Variants in STK32B observed in about 807,000 individuals in gnomAD.
STK32B encodes the protein serine/threonine-protein kinase 32B.
A neutral mutation model predicts 52.6 loss-of-function variants in STK32B; 43 were observed. The observed-to-expected ratio is 0.82, with a 90% CI of 0.64 to 1.05. STK32B has a LOEUF of 1.05. STK32B is among the 50% of genes least tolerant of loss of function. STK32B has a pLI of 0.00. For synonymous variants in STK32B, 238 were observed against 204.3 expected, an observed-to-expected ratio of 1.17 and a Z score of -1.41; for missense variants, 621 against 534.6, an observed-to-expected ratio of 1.16 and a Z score of -1.59.
At chr4:5,281,194 A>G (rs1046109030) in intron 3 of STK32B, among the ~76,000 whole-genome samples, 1 of 152,166 alleles carries the variant, frequency 6.6e-6, no homozygotes, top group Non-Finnish European at 1.5e-5. Context: ...ATCTGTCCCC[A>G]TGATCTAGGC....
the STK32B span, among the ~76,000 whole-genome samples, chr4:5,029,045 T>C: frequency 2.6e-5 from 4 of 152,150 alleles, no homozygotes; most frequent in African/African-American, 9.7e-5. Context: ...TCAAGGGAGA[T>C]GGTGCTAAAC....
intron 1 of STK32B, among the ~76,000 whole-genome samples, chr4:5,132,946 G>A (rs1290422646): frequency 6.6e-6 from 1 of 152,072 alleles, no homozygotes; most frequent in African/African-American, 2.4e-5. Context: ...TTACAGGCAT[G>A]CACCACCACT....
In STK32B at chr4:5,322,231, G is replaced by C. The variant is rs183721860; in HGVS notation, c.261-8989G>C. On this transcript the variant is annotated intron_variant, in intron 3 of 11. Transcript: ENST00000282908. ...AAAGACATGTATCAGGCACAAGTCA[G>C]GCTTGATAAGCTCTTTTTTCCTCGT... Among the ~76,000 whole-genome samples, 6 of 152,220 alleles carry C rather than the reference G, an allele frequency of 3.9e-5. No homozygotes were observed. In the East Asian group the frequency reaches 1.2e-3, roughly 29 times the overall value.
rs764952793 is a variant in STK32B at position 5,499,027 on chromosome 4, G to A, written c.1189G>A (p.Asp397Asn). ...AGGCCAGGCCCAAAGCAAGCTCCAG[G>A]ACGGGTGCAACAACAACCTCCTCAC... ...GGGQAQSKLQDGCNNNLLTHT... is the reference protein window; with the variant it reads ...GGGQAQSKLQNGCNNNLLTHT... Residue 397 changes from aspartate to asparagine, a missense_variant, in exon 12 of 12, where the codon GAC (aspartate) becomes AAC (asparagine). Coordinates refer to ENST00000282908, the MANE Select transcript of STK32B (RefSeq NM_018401.3). 6 of 1,613,704 alleles carry A rather than the reference G, an allele frequency of 3.7e-6. No individual in the cohort carries two copies. Among genetic ancestry groups the A allele is most frequent in the Admixed American group, 3.3e-5 (2 of 59,986 alleles).
intron 4 of STK32B, among the ~76,000 whole-genome samples, chr4:5,379,387 C>T (rs1425699609): frequency 6.6e-6 from 1 of 152,116 alleles, no homozygotes; most frequent in Non-Finnish European, 1.5e-5. Context: ...CAGCTCCTCC[C>T]GGGCTCTCTA....
chr4:5,019,752 C>T, the STK32B span, among the ~76,000 whole-genome samples: 1 of 150,862 alleles, frequency 6.6e-6, no homozygotes, highest in East Asian at 2.0e-4. Context: ...GCAGGAACAG[C>T]AGATGGAGAG....
chr4:5,208,070 T>C (rs571548563), intron 3 of STK32B, among the ~76,000 whole-genome samples: 1 of 152,262 alleles, frequency 6.6e-6, no homozygotes, highest in South Asian at 2.1e-4. Flanking sequence ...AACAGAGGTC[T>C]CTTTCTTGTT....
intron 1 of STK32B, among the ~76,000 whole-genome samples, chr4:5,052,507 C>T (rs976550035): frequency 1.3e-5 from 2 of 152,088 alleles, no homozygotes; most frequent in African/African-American, 2.4e-5. Flanking sequence ...GCTGTCCAAC[C>T]GCATCTCAAC....
intron 2 of STK32B, among the ~76,000 whole-genome samples, chr4:5,143,869 A>G (rs953768985): frequency 1.3e-5 from 2 of 152,080 alleles, no homozygotes; most frequent in East Asian, 1.9e-4. Context: ...AGTGTCTCCA[A>G]TCAATAACTT....
At position 5,282,910 on chromosome 4, in the gene STK32B, C is replaced by T. The variant is rs77327622; in HGVS notation, c.261-48310C>T. Among the ~76,000 whole-genome samples, 1,473 of 152,100 alleles carry T rather than the reference C, an allele frequency of 9.7e-3. 52 individuals carry two copies. The East Asian group carries it at 0.11, about 12-fold the overall frequency. ...TTCATATTTGCAGACCACAGTTGAC[C>T]GTGGGTAACTGAAACCACAGAAAGC... On this transcript the variant is annotated intron_variant, in intron 3 of 11. Coordinates refer to ENST00000282908, the MANE Select transcript of STK32B (RefSeq NM_018401.3).
chr4:5,413,243 TAGTC>T (rs1368099680), intron 5 of STK32B, among the ~76,000 whole-genome samples: 3 of 152,178 alleles, frequency 2.0e-5, no homozygotes, highest in African/African-American at 7.2e-5. Context: ...CTAAGTCACA[TAGTC>T]AGTAAGGGTC....
chr4:5,310,441 C>A (rs896872236), intron 3 of STK32B, among the ~76,000 whole-genome samples: 1 of 152,054 alleles, frequency 6.6e-6, no homozygotes, highest in Non-Finnish European at 1.5e-5. Context: ...AAAAAATGTT[C>A]ATCATCACTA....
chr4:5,111,638 T>C (rs1173515437), intron 1 of STK32B, among the ~76,000 whole-genome samples: 1 of 152,064 alleles, frequency 6.6e-6, no homozygotes, highest in Non-Finnish European at 1.5e-5. Flanking sequence ...GTTGAAAAAT[T>C]ATCTATTGGG....
At chr4:5,492,110 G>A (rs887283022) in intron 11 of STK32B, among the ~76,000 whole-genome samples, 1 of 152,200 alleles carries the variant, frequency 6.6e-6, no homozygotes, top group East Asian at 1.9e-4. Context: ...TTCCAATTCT[G>A]TGAGGAAAGT....
At chr4:5,069,335 T>C (rs1446688695) in intron 1 of STK32B, among the ~76,000 whole-genome samples, 2 of 152,080 alleles carry the variant, frequency 1.3e-5, no homozygotes, top group Non-Finnish European at 2.9e-5. Flanking sequence ...ACACTTTCTT[T>C]TTGACACTGG....
chr4:5,175,449 C>T (rs982002201), intron 3 of STK32B, among the ~76,000 whole-genome samples: 2 of 152,172 alleles, frequency 1.3e-5, no homozygotes, highest in Non-Finnish European at 2.9e-5. Flanking sequence ...TACCTTTGGT[C>T]TTTGACGATG....
Position 5,191,196 on chromosome 4 carries a change from T to C in STK32B, c.260+22746T>C, listed in dbSNP as rs548796469. 2.0e-4 allele frequency among the ~76,000 whole-genome samples: 31 copies of C among 152,166 alleles called. 1 individual carries two copies. Among genetic ancestry groups the C allele is most frequent in the East Asian group, 1.5e-3 (8 of 5,164 alleles). ...GGTCCAGGAAGTTCCTTAGGGTCACTTGGGGGCTAATGGGGTTGAGTTTGT... is the reference window on the plus strand; with the variant it reads ...GGTCCAGGAAGTTCCTTAGGGTCACCTGGGGGCTAATGGGGTTGAGTTTGT... On this transcript the variant is annotated intron_variant, in intron 3 of 11. Coordinates refer to ENST00000282908, the MANE Select transcript of STK32B (RefSeq NM_018401.3).
At chr4:5,282,472 A>G (rs781075688) in intron 3 of STK32B, among the ~76,000 whole-genome samples, 28 of 152,168 alleles carry the variant, frequency 1.8e-4, no homozygotes, top group Non-Finnish European at 3.2e-4. Flanking sequence ...ACTAAGAACA[A>G]TTATACAATC....
intron 3 of STK32B, among the ~76,000 whole-genome samples, chr4:5,171,711 C>A (rs1031797241): frequency 1.4e-5 from 2 of 145,844 alleles, no homozygotes; most frequent in Non-Finnish European, 3.1e-5. Flanking sequence ...GTTACTGTAG[C>A]CTTGTAGTAT....
Sources: gnomAD v4.1 joint callset for allele counts (sites outside exome capture counted in the v4.1 genomes callset) on GRCh38, gnomAD v4.1.1 for gene constraint, MANE v1.5 for transcripts, NCBI Gene and HGNC (gene_info 2026-07-23, HGNC 2026-07-21) for gene names.